The following LDB2 variants were observed in gnomAD, a reference collection of about 807,000 sequenced individuals.
LDB2 encodes LIM domain-binding protein 2.
A neutral mutation model predicts 44.3 loss-of-function variants in LDB2; 12 were observed. The ratio of observed to expected loss-of-function variants is 0.27; its 90% CI spans 0.17 to 0.44. The LOEUF (loss-of-function observed/expected upper bound fraction) is 0.44, where lower values mean the gene tolerates loss of function less well. Ranked by LOEUF, LDB2 falls within the 20% of genes least tolerant of loss-of-function variation. The pLI is 1.00. For missense variants in LDB2, 344 were observed against 473.5 expected (o/e 0.73, Z 2.54); for synonymous variants, 164 against 174.8 (o/e 0.94, Z 0.49).
At chr4:16,788,415 T>C (rs1774961593) in intron 1 of LDB2, among the ~76,000 whole-genome samples, 2 of 152,194 alleles carry the variant, frequency 1.3e-5, no homozygotes, top group East Asian at 1.9e-4. Flanking sequence ...GAAAAGAAAA[T>C]ACTTGCTATG....
intron 2 of LDB2, among the ~76,000 whole-genome samples, chr4:16,602,961 T>G (rs1413458987): frequency 6.6e-6 from 1 of 152,158 alleles, no homozygotes; most frequent in African/African-American, 2.4e-5. Flanking sequence ...ATATGTGAAT[T>G]TATAGGTCTC....
chr4:16,565,509 A>C (rs999013597), intron 5 of LDB2, among the ~76,000 whole-genome samples: 5 of 152,078 alleles, frequency 3.3e-5, no homozygotes, highest in African/African-American at 1.2e-4. Context: ...AAATATGTCT[A>C]TCTCAAATCT....
intron 1 of LDB2, among the ~76,000 whole-genome samples, chr4:16,770,385 T>C (rs1770395341): frequency 6.6e-6 from 1 of 152,244 alleles, no homozygotes; most frequent in Non-Finnish European, 1.5e-5. Context: ...AATTTTATGA[T>C]AATTGAACAC....
chr4:16,587,820 A>G (rs567845669), intron 4 of LDB2, among the ~76,000 whole-genome samples: 15 of 152,208 alleles, frequency 9.9e-5, no homozygotes, highest in Non-Finnish European at 1.8e-4. Context: ...CTTGCTTTTA[A>G]AACAGGAACA....
intron 2 of LDB2, among the ~76,000 whole-genome samples, chr4:16,708,199 G>A (rs554586252): frequency 5.9e-5 from 9 of 152,214 alleles, no homozygotes; most frequent in Non-Finnish European, 8.8e-5. Flanking sequence ...GGTCAGCCCA[G>A]CAGGGTGTGG....
At chr4:16,503,855 G>A (rs2152194533) in intron 7 of LDB2, among the ~76,000 whole-genome samples, 1 of 152,286 alleles carries the variant, frequency 6.6e-6, no homozygotes, top group South Asian at 2.1e-4. Context: ...AGCATGGGGA[G>A]GCCACAGCTG....
intron 1 of LDB2, among the ~76,000 whole-genome samples, chr4:16,882,122 TCA>T (rs1391166015): frequency 6.6e-6 from 1 of 152,194 alleles, no homozygotes; most frequent in Non-Finnish European, 1.5e-5. Context: ...TCTCAACAGC[TCA>T]CTCTTGGCAC....
At chr4:16,561,264 G>C (rs2152379351) in intron 5 of LDB2, among the ~76,000 whole-genome samples, 1 of 152,304 alleles carries the variant, frequency 6.6e-6, no homozygotes, top group Non-Finnish European at 1.5e-5. Context: ...ATTAGGAAAA[G>C]AGGAAGTCAA....
chr4:16,515,853 ATTAT>A lies in LDB2; in HGVS notation c.616-3753_616-3750del, dbSNP rs1265198573. On this transcript the variant is annotated intron_variant, in intron 5 of 7. Coordinates refer to ENST00000304523, the MANE Select transcript of LDB2 (RefSeq NM_001290.5). The stretch of plus-strand genomic sequence containing the variant: ...GATTATTTATTTATTTATTTATTTT[ATTAT>A]TTATTTATTTATTTATTTATTTTTT... 4.1e-3 allele frequency among the ~76,000 whole-genome samples: 607 copies of A among 146,690 alleles called. 2 individuals carry two copies. The highest frequency in any genetic ancestry group is 7.7e-3 in the Non-Finnish European group (507 of 66,030).
intron 1 of LDB2, among the ~76,000 whole-genome samples, chr4:16,792,656 C>T (rs1276147031): frequency 6.6e-6 from 1 of 152,148 alleles, no homozygotes; most frequent in East Asian, 1.9e-4. Flanking sequence ...CATTACCCTG[C>T]CAATCTGGAC....
intron 2 of LDB2, among the ~76,000 whole-genome samples, chr4:16,614,886 C>T (rs936786335): frequency 6.7e-5 from 10 of 150,180 alleles, no homozygotes; most frequent in Non-Finnish European, 7.4e-5. Context: ...CCGGCTAAAA[C>T]GGTGAAACCC....
chr4:16,771,956 T>C (rs1770800027), intron 1 of LDB2, among the ~76,000 whole-genome samples: 1 of 152,182 alleles, frequency 6.6e-6, no homozygotes, highest in Non-Finnish European at 1.5e-5. Flanking sequence ...GAGCTCACTC[T>C]CCTGTGTGGA....
intron 2 of LDB2, among the ~76,000 whole-genome samples, chr4:16,647,786 C>T (rs1737191723): frequency 6.6e-6 from 1 of 152,138 alleles, no homozygotes; most frequent in Non-Finnish European, 1.5e-5. Context: ...AGGTGAATTC[C>T]TATTCAAATA....
At chr4:16,815,800 C>A (rs1780782931) in intron 1 of LDB2, among the ~76,000 whole-genome samples, 1 of 152,178 alleles carries the variant, frequency 6.6e-6, no homozygotes, top group Non-Finnish European at 1.5e-5. Flanking sequence ...GATTGTTGCT[C>A]AGCTGAACTG....
chr4:16,516,848 G>A (rs994478402), intron 5 of LDB2, among the ~76,000 whole-genome samples: 1 of 152,108 alleles, frequency 6.6e-6, no homozygotes, highest in African/African-American at 2.4e-5. Flanking sequence ...AATGCTAATC[G>A]AGAATCCCCA....
At chr4:16,613,580 C>A (rs529843930) in intron 2 of LDB2, among the ~76,000 whole-genome samples, 2 of 152,266 alleles carry the variant, frequency 1.3e-5, no homozygotes, top group East Asian at 3.9e-4. Context: ...TCTCAGGATA[C>A]AAAATCAATG....
chr4:16,682,562 T>G (rs956932958), intron 2 of LDB2, among the ~76,000 whole-genome samples: 1 of 152,224 alleles, frequency 6.6e-6, no homozygotes, highest in African/African-American at 2.4e-5. Flanking sequence ...ATCCACCAGT[T>G]GGTTGGGAAT....
chr4:16,632,158 G>C (rs1260170749), intron 2 of LDB2, among the ~76,000 whole-genome samples: 1 of 152,160 alleles, frequency 6.6e-6, no homozygotes, highest in Non-Finnish European at 1.5e-5. Context: ...CAATATCCCT[G>C]ATGAACATCA....
intron 1 of LDB2, among the ~76,000 whole-genome samples, chr4:16,760,113 T>C (rs925906892): frequency 6.6e-6 from 1 of 152,164 alleles, no homozygotes. Flanking sequence ...AAATTCTCAG[T>C]ATAGGACCTG....
Sources: allele counts gnomAD v4.1 joint callset (sites outside exome capture counted in the v4.1 genomes callset), GRCh38; gene constraint gnomAD v4.1.1; transcripts MANE v1.5; gene names NCBI Gene and HGNC (gene_info 2026-07-23, HGNC 2026-07-21).